Variants in DYRK4 observed in about 807,000 individuals in gnomAD.
The protein encoded by DYRK4 is dual specificity tyrosine phosphorylation regulated kinase 4.
A neutral mutation model predicts 68.3 loss-of-function variants in DYRK4; 64 were observed. That is an observed-to-expected ratio of 0.94 (90% CI 0.77 to 1.15). The LOEUF (loss-of-function observed/expected upper bound fraction) is 1.15, where lower values mean the gene tolerates loss of function less well. Among genes scored for constraint, DYRK4 ranks in the 50% most tolerant of loss-of-function variants. DYRK4 has a pLI of 0.00. For missense variants in DYRK4, 740 were observed against 764.7 expected, an observed-to-expected ratio of 0.97 and a Z score of 0.38; for synonymous variants, 274 against 289.9, an observed-to-expected ratio of 0.95 and a Z score of 0.56.
At chr12:4,583,952 A>G (rs987494294) in intron 2 of DYRK4, among the ~76,000 whole-genome samples, 1 of 152,190 alleles carries the variant, frequency 6.6e-6, no homozygotes, top group African/African-American at 2.4e-5. Context: ...GCCCCGCCCG[A>G]TGACCCAGCC....
At chr12:4,590,498 A>C (rs1257576278) in intron 4 of DYRK4, 58 bp downstream of exon 4, 1 of 1,525,938 alleles carries the variant, frequency 6.6e-7, no homozygotes, top group East Asian at 2.5e-5. Flanking sequence ...TTTTAGTCCA[A>C]AGCCAGTTTT....
rs1242914379 is a variant in DYRK4, at chr12:4,593,082, G to C, written c.544G>C (p.Gly182Arg). Residue 182 changes from glycine to arginine, a missense_variant, in exon 6 of 15, where the codon GGT (glycine) becomes CGT (arginine). Around this residue, in one of 3 missense-constraint regions of DYRK4, gnomAD observed 614 missense variants for 603.7 expected, o/e 1.02. Transcript: ENST00000543431. Reference protein sequence around the residue: ...ILGYAELWFLGLEAKKLDTAP... With the variant: ...ILGYAELWFLRLEAKKLDTAP... ...GGGCTACGCGGAGCTGTGGTTCCTG[G>C]GTCTTGAAGCCAAGAAGCTCGACAC... The C allele has an allele frequency of 6.2e-7, 1 of 1,614,178 alleles. No homozygotes were observed. Among genetic ancestry groups the C allele is most frequent in the Non-Finnish European group, 8.5e-7 (1 of 1,180,038 alleles).
Position 4,596,640 on chromosome 12 carries a change from G to A in DYRK4, c.816G>A (p.Lys272=), listed in dbSNP as rs756993106. ...TGAAGATCCTGGAAGCTCTCAGAAAGAAGGACAAAGACAACACCTACAATG... is the reference window on the plus strand; with the variant it reads ...TGAAGATCCTGGAAGCTCTCAGAAAAAAGGACAAAGACAACACCTACAATG... ...MELKILEALR[K]KDKDNTYNVV... is the part of the protein sequence containing the mutation. Residue 272 remains lysine (K), a synonymous_variant, in exon 8 of 15, where the codon AAG becomes AAA. Transcript: ENST00000543431. 6 of 1,614,174 alleles carry A rather than the reference G, an allele frequency of 3.7e-6. No individual in the cohort carries two copies. Among genetic ancestry groups the A allele is most frequent in the Non-Finnish European group, 5.1e-6 (6 of 1,180,038 alleles).
chr12:4,587,973 T>C (rs1412001998), intron 2 of DYRK4, among the ~76,000 whole-genome samples: 1 of 152,262 alleles, frequency 6.6e-6, no homozygotes, highest in Non-Finnish European at 1.5e-5. Context: ...CTCTAGCCTG[T>C]TGTTTGCTAA....
intron 14 of DYRK4, 43 bp downstream of exon 14, chr12:4,612,761 A>T: frequency 2.5e-6 from 4 of 1,597,986 alleles, no homozygotes; most frequent in Middle Eastern, 1.7e-4. Context: ...ACAGTCCGGG[A>T]ATTAATATTC....
In DYRK4 at chr12:4,566,508, C is replaced by T. The variant is rs140037854; in HGVS notation, c.39-1447C>T. 2.5e-3 allele frequency among the ~76,000 whole-genome samples: 387 copies of T among 152,352 alleles called. 1 individual carries two copies. The highest frequency in any genetic ancestry group is 6.8e-3 in the Middle Eastern group (2 of 294). On this transcript the variant is annotated intron_variant, in intron 1 of 14. Coordinates refer to ENST00000543431, the MANE Select transcript of DYRK4 (RefSeq NM_001394779.1). ...TCAAGCGTGAAGGCTTCCTCAGCTCCTCCAGCTGACTTAGTCAACACCTGG... is the reference window on the plus strand; with the variant it reads ...TCAAGCGTGAAGGCTTCCTCAGCTCTTCCAGCTGACTTAGTCAACACCTGG...
At chr12:4,562,334 G>C in intron 1 of DYRK4, 51 bp downstream of exon 1, 1 of 1,510,742 alleles carries the variant, frequency 6.6e-7, no homozygotes, top group Middle Eastern at 1.7e-4. Context: ...GCGAGTACGA[G>C]GCAGGCGACG....
At chr12:4,562,369 G>C in intron 1 of DYRK4, 86 bp downstream of exon 1, 6 of 1,460,468 alleles carry the variant, frequency 4.1e-6, no homozygotes, top group East Asian at 5.2e-5. Flanking sequence ...CGGGGTCGTG[G>C]GGGGAGAATG....
chr12:4,581,882 A>G (rs1195956539), intron 2 of DYRK4, among the ~76,000 whole-genome samples: 1 of 152,162 alleles, frequency 6.6e-6, no homozygotes, highest in Non-Finnish European at 1.5e-5. Flanking sequence ...ATTTTTTTAG[A>G]TTTAAGCATA....
rs556878501 is a variant in DYRK4, at chr12:4,587,429, G to A, written c.133-1508G>A. ...ACTCACTGTTCATGCCCTTTGTTTC[G>A]TATTTAGTTTGGGCTGTATTCTGTT... On this transcript the variant is annotated intron_variant, in intron 2 of 14. Transcript: ENST00000543431. Among the ~76,000 whole-genome samples, 77 of 152,182 alleles carry A rather than the reference G, an allele frequency of 5.1e-4. 1 individual carries two copies. In the South Asian group the frequency reaches 0.016, roughly 31 times the overall value.
At chr12:4,610,086 A>T in intron 12 of DYRK4, 69 bp from the exon 13 acceptor site, 1 of 1,441,308 alleles carries the variant, frequency 6.9e-7, no homozygotes, top group Non-Finnish European at 9.3e-7. Flanking sequence ...GGCCACTCTA[A>T]GCAGCAGCAT....
In DYRK4 at chr12:4,591,343, G is replaced by A. The variant is rs781583304; in HGVS notation, c.463+45G>A. Reference sequence around the variant, plus strand: ...GCAGGGTGGGGAGGTGCTTATGGAAGGTCGGGGTGTTAAGAGCTAAGCTGC... The same window carrying A: ...GCAGGGTGGGGAGGTGCTTATGGAAAGTCGGGGTGTTAAGAGCTAAGCTGC... On this transcript the variant is annotated intron_variant, in intron 5 of 14. Coordinates refer to ENST00000543431, the MANE Select transcript of DYRK4 (RefSeq NM_001394779.1). The surrounding 1 kb of genome is among the most constrained non-coding windows in gnomAD (Gnocchi z 4.1). 6 of 1,603,710 alleles carry A rather than the reference G, an allele frequency of 3.7e-6. No individual in the cohort carries two copies. Among genetic ancestry groups the A allele is most frequent in the South Asian group, 1.1e-5 (1 of 89,202 alleles).
chr12:4,596,368 G>T, intron 7 of DYRK4, 83 bp downstream of exon 7: 1 of 1,586,994 alleles, frequency 6.3e-7, no homozygotes, highest in South Asian at 1.1e-5. Flanking sequence ...TCCTGACTGT[G>T]CCTCTCCCTC....
chr12:4,599,923 T>C, intron 10 of DYRK4, 135 bp downstream of exon 10: 2 of 690,448 alleles, frequency 2.9e-6, no homozygotes, highest in African/African-American at 1.8e-5. Context: ...GGTGCTTCGC[T>C]TCTCTGAGCC....
chr12:4,591,001 G>A lies in DYRK4; in HGVS notation c.325-159G>A. ...TCAGACAGATGCTTCCTTTGGGAGA[G>A]AGGTAGGGAGAACCTTCTGTCTCTT... On this transcript the variant is annotated intron_variant, in intron 4 of 14. Coordinates refer to ENST00000543431, the MANE Select transcript of DYRK4 (RefSeq NM_001394779.1). The surrounding 1 kb of genome is among the most constrained non-coding windows in gnomAD (Gnocchi z 4.1). 1.2e-6 allele frequency: 1 copy of A among 806,690 alleles called. No individual in the cohort carries two copies. The highest frequency in any genetic ancestry group is 1.9e-6 in the Non-Finnish European group (1 of 524,682). 50.0% of individuals were successfully genotyped at this position (806,690 alleles called of 1,614,324 possible). A position where few individuals can be genotyped will look rare whatever the true frequency, so the allele number is the denominator to read the frequency against.
intron 2 of DYRK4, among the ~76,000 whole-genome samples, chr12:4,571,591 A>G (rs1944730676): frequency 6.6e-6 from 1 of 152,140 alleles, no homozygotes; most frequent in Non-Finnish European, 1.5e-5. Flanking sequence ...ATTTTGTCGT[A>G]TTTTATTGTA....
chr12:4,562,398 A>G, intron 1 of DYRK4, 115 bp downstream of exon 1: 1 of 1,300,998 alleles, frequency 7.7e-7, no homozygotes, highest in Non-Finnish European at 1.0e-6. Flanking sequence ...GCAGAATGCA[A>G]GAGCTGACCG....
chr12:4,565,756 G>A (rs1944670230), intron 1 of DYRK4, among the ~76,000 whole-genome samples: 1 of 151,978 alleles, frequency 6.6e-6, no homozygotes, highest in Non-Finnish European at 1.5e-5. Flanking sequence ...CTCCCGAGTA[G>A]CTGGGATTAC....
intron 13 of DYRK4, among the ~76,000 whole-genome samples, chr12:4,611,480 T>TTATA (rs35021970): frequency 1.3e-5 from 2 of 151,884 alleles, no homozygotes; most frequent in African/African-American, 2.4e-5. Flanking sequence ...GACTGTTATC[T>TTATA]TATATATATA....
Sources: gnomAD v4.1 joint callset for allele counts (sites outside exome capture counted in the v4.1 genomes callset) on GRCh38, gnomAD v4.1.1 for gene constraint, gnomAD v4.1.1 regional missense constraint, Gnocchi (gnomAD v3.1) non-coding constraint, MANE v1.5 for transcripts, NCBI Gene and HGNC (gene_info 2026-07-23, HGNC 2026-07-21) for gene names.